COP1: variants seen among roughly 807,000 people sequenced by gnomAD.
The protein encoded by COP1 is COP1 E3 ubiquitin ligase.
Under a neutral mutation model 101.3 loss-of-function variants are expected in COP1, and 24 were observed. The observed-to-expected ratio is 0.24, with a 90% CI of 0.17 to 0.33. The LOEUF is 0.33. Among genes scored for constraint, COP1 ranks in the 10% least tolerant of loss-of-function variants. The probability of loss-of-function intolerance (pLI) is 1.00; values close to 1 mark genes in which losing one functional copy is unlikely to be tolerated. For missense variants in COP1, 663 were observed against 906.2 expected, an observed-to-expected ratio of 0.73 and a Z score of 3.45; for synonymous variants, 347 against 341.9, an observed-to-expected ratio of 1.01 and a Z score of -0.17.
chr1:176,054,464 AT>A (rs760670469), intron 11 of COP1, among the ~76,000 whole-genome samples: 49 of 152,084 alleles, frequency 3.2e-4, no homozygotes, highest in African/African-American at 1.1e-3. Flanking sequence ...ACCCGGCCAA[AT>A]TACTCTGTTT....
chr1:176,096,440 A>AGT (rs762706634), intron 9 of COP1, among the ~76,000 whole-genome samples: 77 of 152,304 alleles, frequency 5.1e-4, no homozygotes, highest in African/African-American at 1.7e-3. Flanking sequence ...ACATGAGTGC[A>AGT]GTGTCCAACG....
intron 18 of COP1, among the ~76,000 whole-genome samples, chr1:175,961,197 T>A (rs1489728104): frequency 2.6e-5 from 4 of 152,318 alleles, no homozygotes; most frequent in African/African-American, 9.6e-5. Flanking sequence ...TCTGTAATCA[T>A]GTGAGCTAAT....
intron 18 of COP1, among the ~76,000 whole-genome samples, chr1:175,957,509 T>A (rs1256889938): frequency 6.6e-6 from 1 of 152,192 alleles, no homozygotes; most frequent in Non-Finnish European, 1.5e-5. Context: ...GGAAGTACAC[T>A]CTATGATGTT....
intron 15 of COP1, among the ~76,000 whole-genome samples, chr1:175,998,063 TAAAAAAAAAAAAAAAAAAAAAAAAA>T (rs57110017): frequency 1.5e-4 from 10 of 66,816 alleles, no homozygotes; most frequent in African/African-American, 6.3e-4. Context: ...AGAGTATAAT[TAAAAAAAAAAAAAAAAAAAAAAAAA>T]AAGAAAATGT....
chr1:176,134,934 A>G, intron 8 of COP1, 76 bp downstream of exon 8: 1 of 1,057,738 alleles, frequency 9.5e-7, no homozygotes, highest in Non-Finnish European at 1.5e-6. Context: ...CTGCATGGAA[A>G]AGGCTCCTAA....
At chr1:176,040,720 T>C (rs1670382480) in intron 14 of COP1, among the ~76,000 whole-genome samples, 1 of 152,224 alleles carries the variant, frequency 6.6e-6, no homozygotes, top group Non-Finnish European at 1.5e-5. Flanking sequence ...CTCTTGTTTG[T>C]TTCCCTTTTT....
chr1:176,163,951 G>A (rs1694724123), intron 3 of COP1, 60 bp from the exon 4 acceptor site: 1 of 1,139,124 alleles, frequency 8.8e-7, no homozygotes. Flanking sequence ...AATGTATCAT[G>A]TAATTCTTCG....
intron 11 of COP1, among the ~76,000 whole-genome samples, chr1:176,047,562 A>C (rs949806660): frequency 6.6e-6 from 1 of 152,232 alleles, no homozygotes; most frequent in Non-Finnish European, 1.5e-5. Context: ...ATGTGTATGA[A>C]TGTATCTTCA....
chr1:176,020,660 G>A lies in COP1; in HGVS notation c.1729+6912C>T, dbSNP rs12133761. Among the ~76,000 whole-genome samples the A allele has an allele frequency of 2.0e-5, 3 of 152,224 alleles. No individual in the cohort carries two copies. In the East Asian group the frequency reaches 5.8e-4, roughly 29 times the overall value. On this transcript the variant is annotated intron_variant, in intron 15 of 19. Transcript: ENST00000367669. ...CCACTGCACTCCAGCCTAGGCATCA[G>A]AGCAAGACTCTGTCCCAACAACAAC...
chr1:176,150,298 C>G (rs1257645490), intron 5 of COP1, among the ~76,000 whole-genome samples: 2 of 152,160 alleles, frequency 1.3e-5, no homozygotes, highest in Non-Finnish European at 2.9e-5. Context: ...AAAATATGAA[C>G]TGATAATCAC....
intron 15 of COP1, among the ~76,000 whole-genome samples, chr1:175,993,516 TA>T (rs1659232259): frequency 6.6e-6 from 1 of 152,034 alleles, no homozygotes; most frequent in African/African-American, 2.4e-5. Context: ...GACGAATGTA[TA>T]ACTAGAATAA....
intron 8 of COP1, among the ~76,000 whole-genome samples, 200 bp from the exon 9 acceptor site, chr1:176,116,881 C>T (rs1686281540): frequency 6.6e-6 from 1 of 152,154 alleles, no homozygotes; most frequent in African/African-American, 2.4e-5. Flanking sequence ...CACTTCAACC[C>T]ACCACCTCAA....
chr1:175,977,161 A>T lies in COP1; in HGVS notation c.2133+9782T>A, dbSNP rs1402002223. Among the ~76,000 whole-genome samples the T allele has an allele frequency of 2.0e-5, 3 of 152,200 alleles. No homozygotes were observed. In the South Asian group the frequency reaches 6.2e-4, roughly 31 times the overall value. ...CTATTCCCTAAAGCTTTCTACTTTTATCAGAGAGCAAAAGATCCTGAAGAT... is the reference window on the plus strand; with the variant it reads ...CTATTCCCTAAAGCTTTCTACTTTTTTCAGAGAGCAAAAGATCCTGAAGAT... On this transcript the variant is annotated intron_variant, in intron 18 of 19. Transcript: ENST00000367669.
intron 11 of COP1, among the ~76,000 whole-genome samples, chr1:176,060,454 C>G (rs1429383160): frequency 6.6e-6 from 1 of 152,122 alleles, no homozygotes; most frequent in Non-Finnish European, 1.5e-5. Flanking sequence ...ATTTTGTCCT[C>G]TTTAAAATGT....
chr1:176,108,351 C>G (rs534356872), intron 9 of COP1, among the ~76,000 whole-genome samples: 2 of 152,070 alleles, frequency 1.3e-5, no homozygotes, highest in African/African-American at 4.8e-5. Context: ...TGTAACTATT[C>G]TATTATGGCT....
intron 11 of COP1, among the ~76,000 whole-genome samples, chr1:176,050,793 T>C (rs10753117): frequency 0.4 from 60,575 of 152,030 alleles, 12,275 homozygotes; most frequent in Middle Eastern, 0.45. Flanking sequence ...AAATCTCCAC[T>C]GTATAAAGAA....
At chr1:176,155,250 A>T (rs1693271316) in intron 5 of COP1, among the ~76,000 whole-genome samples, 2 of 152,148 alleles carry the variant, frequency 1.3e-5, no homozygotes, top group African/African-American at 2.4e-5. Flanking sequence ...AGCAGCGATG[A>T]AGCCCCAGTT....
chr1:176,023,718 CAAAAAAA>C (rs759455090), intron 15 of COP1, among the ~76,000 whole-genome samples: 2 of 122,094 alleles, frequency 1.6e-5, no homozygotes, highest in Non-Finnish European at 3.3e-5. Context: ...AACTCCATCT[CAAAAAAA>C]AAAAAAAAAA....
chr1:176,192,054 C>T (rs2102151323), intron 1 of COP1, among the ~76,000 whole-genome samples: 1 of 152,160 alleles, frequency 6.6e-6, no homozygotes, highest in Non-Finnish European at 1.5e-5. Context: ...ATGATTAATA[C>T]AAGTAATAGC....
Sources: gnomAD v4.1 joint callset for allele counts (sites outside exome capture counted in the v4.1 genomes callset) on GRCh38, gnomAD v4.1.1 for gene constraint, MANE v1.5 for transcripts, NCBI Gene and HGNC (gene_info 2026-07-23, HGNC 2026-07-21) for gene names.